NUP210: variants seen among roughly 807,000 people sequenced by gnomAD.
The protein encoded by NUP210 is nucleoporin 210.
NUP210 carries 151 observed loss-of-function variants against 196.0 expected under a neutral mutation model. That is an observed-to-expected ratio of 0.77 (90% CI 0.67 to 0.88). The LOEUF (loss-of-function observed/expected upper bound fraction) is 0.88, where lower values mean the gene tolerates loss of function less well. Ranked by LOEUF, NUP210 falls within the 40% of genes least tolerant of loss-of-function variation. The pLI is 0.00. For synonymous variants in NUP210, 1,070 were observed against 1,052.7 expected (o/e 1.02, Z -0.32); for missense variants, 2,314 against 2,493.7 (o/e 0.93, Z 1.53).
chr3:13,409,717 C>T (rs140420452), intron 1 of NUP210, among the ~76,000 whole-genome samples: 77 of 152,158 alleles, frequency 5.1e-4, no homozygotes, highest in African/African-American at 1.7e-3. Flanking sequence ...CTAGGGTACA[C>T]GGAGTTCAAA....
At chr3:13,341,378 G>A (rs2124861139) in intron 23 of NUP210, among the ~76,000 whole-genome samples, 1 of 152,356 alleles carries the variant, frequency 6.6e-6, no homozygotes, top group Admixed American at 6.5e-5. Flanking sequence ...CAGGACCAAT[G>A]GTTAAGGAGT....
chr3:13,373,302 C>T (rs946024195), intron 12 of NUP210, among the ~76,000 whole-genome samples: 1 of 152,232 alleles, frequency 6.6e-6, no homozygotes, highest in African/African-American at 2.4e-5. Flanking sequence ...GCAGGGAACA[C>T]CTGCCTTTGT....
intron 30 of NUP210, among the ~76,000 whole-genome samples, 191 bp downstream of exon 30, chr3:13,330,269 T>G (rs4684928): frequency 0.047 from 7,198 of 152,310 alleles, 276 homozygotes; most frequent in East Asian, 0.13. Flanking sequence ...TTCCCAAGGA[T>G]CTTCGGCTCT....
chr3:13,391,113 A>G (rs1699475534), intron 4 of NUP210, 98 bp downstream of exon 4: 4 of 799,000 alleles, frequency 5.0e-6, no homozygotes, highest in Admixed American at 4.0e-5. Flanking sequence ...AGACTCCTCA[A>G]TGACCCAGAT....
At chr3:13,364,728 C>T (rs987031126) in intron 14 of NUP210, among the ~76,000 whole-genome samples, 8 of 151,796 alleles carry the variant, frequency 5.3e-5, no homozygotes, top group East Asian at 3.9e-4. Context: ...CTCAGGAGGC[C>T]GAGGCAGGAG....
In NUP210 at chr3:13,341,801, T is replaced by C. The variant is rs764689895; in HGVS notation, c.3175A>G (p.Ser1059Gly). 2 of 1,614,136 alleles carry C rather than the reference T, an allele frequency of 1.2e-6. No homozygotes were observed. Among genetic ancestry groups the C allele is most frequent in the Non-Finnish European group, 8.5e-7 (1 of 1,180,054 alleles). ...CTCTGTCCAGCTTTATTGGTCACAC[T>C]TGCAGTTAGACTGGTCTGGCCGATG... is the stretch of plus-strand genomic sequence containing the variant. The part of the protein sequence containing the change: ...VAIGQTSLTA[S>G]VTNKAGQRIN... Residue 1059 changes from serine (S) to glycine (G), a missense_variant, in exon 23 of 40, where the codon AGT becomes GGT. Transcript: ENST00000254508.
chr3:13,408,787 C>CAA (rs57395477), intron 1 of NUP210, among the ~76,000 whole-genome samples: 7,899 of 76,724 alleles, frequency 0.1, 399 homozygotes, highest in African/African-American at 0.15. Flanking sequence ...GACTCTGTCT[C>CAA]AAAAAAAAAA....
chr3:13,408,212 G>T (rs950356148), intron 1 of NUP210, among the ~76,000 whole-genome samples: 1 of 152,074 alleles, frequency 6.6e-6, no homozygotes, highest in Admixed American at 6.5e-5. Context: ...TGCATTCCTG[G>T]GATATGCCCT....
Position 13,327,285 on chromosome 3 carries a change from G to C in NUP210, c.4439C>G (p.Pro1480Arg), listed in dbSNP as rs1489837819. Residue 1480 changes from proline (P) to arginine (R), a missense_variant, in exon 32 of 40, where the codon CCA (proline) becomes CGA (arginine). Pro to Arg is a moderately radical substitution (Grantham distance 103, BLOSUM62 -2). Coordinates refer to ENST00000254508, the MANE Select transcript of NUP210 (RefSeq NM_024923.4). ...CACCACCATGGCCCCAGACAGCTCTGGGGAGATGGCCTGTAGGACAGGCAG... is the reference window on the plus strand; with the variant it reads ...CACCACCATGGCCCCAGACAGCTCTCGGGAGATGGCCTGTAGGACAGGCAG... Reference protein sequence around the residue: ...MPLPVLQAISPELSGAMVVGD... With the variant: ...MPLPVLQAISRELSGAMVVGD... 1 of 1,613,454 alleles carries C rather than the reference G, an allele frequency of 6.2e-7. No homozygotes were observed. The highest frequency in any genetic ancestry group is 8.5e-7 in the Non-Finnish European group (1 of 1,180,020).
rs1576333063 is a variant in NUP210 at position 13,317,597 on chromosome 3, C to T, written c.*84G>A. 1 of 1,017,434 alleles carries T rather than the reference C, an allele frequency of 9.8e-7. No individual in the cohort carries two copies. The highest frequency in any genetic ancestry group is 1.6e-5 in the African/African-American group (1 of 62,938). The allele number at this position is 1,017,434 out of a possible 1,614,324, so 63.0% of individuals were successfully genotyped here. On this transcript the variant is annotated 3_prime_UTR_variant, in exon 40 of 40. Coordinates refer to ENST00000254508, the MANE Select transcript of NUP210 (RefSeq NM_024923.4). The stretch of plus-strand genomic sequence containing the variant: ...GGGCACTCATCTGGAGGGGCTTGTT[C>T]CAGTGTGAATGCAGCAGGGATGTTC...
intron 20 of NUP210, among the ~76,000 whole-genome samples, chr3:13,345,716 G>C (rs1049960166): frequency 2.0e-5 from 3 of 152,208 alleles, no homozygotes; most frequent in Non-Finnish European, 4.4e-5. Flanking sequence ...TTTGTGACTG[G>C]AGCCATTGCC....
intron 30 of NUP210, among the ~76,000 whole-genome samples, chr3:13,329,463 C>G (rs13061844): frequency 0.62 from 94,740 of 152,078 alleles, 31,098 homozygotes; most frequent in African/African-American, 0.85. Context: ...AATCTATCCT[C>G]GCTCAAAAGC....
At chr3:13,333,214 C>CA (rs1559311427) in intron 28 of NUP210, among the ~76,000 whole-genome samples, 1 of 152,240 alleles carries the variant, frequency 6.6e-6, no homozygotes, top group African/African-American at 2.4e-5. Flanking sequence ...ATGGCAACAG[C>CA]ACTTACCTGG....
chr3:13,355,454 G>T (rs778960184), intron 16 of NUP210, among the ~76,000 whole-genome samples: 4 of 152,204 alleles, frequency 2.6e-5, no homozygotes, highest in Non-Finnish European at 1.5e-5. Flanking sequence ...ACACAAAGCA[G>T]GTCTCCCAGC....
In NUP210 at chr3:13,328,925, T is replaced by C. The variant is rs1347089075; in HGVS notation, c.4132A>G (p.Arg1378Gly). The change falls in exon 31 of 40, where the codon AGG (arginine) becomes GGG (glycine). Residue 1378 changes from arginine to glycine, a missense_variant. Physicochemically the swap from Arg to Gly is moderately radical, Grantham distance 125. Coordinates refer to ENST00000254508, the MANE Select transcript of NUP210 (RefSeq NM_024923.4). ...AVKVSPVSYL[R>G]VSMSPVLHTQ... is the part of the protein sequence containing the mutation. ...TGCAGGACAGGGCTCATGGAAACCCTCAGGTAGGAAACAGGGGATACCTAA... is the reference window on the plus strand; with the variant it reads ...TGCAGGACAGGGCTCATGGAAACCCCCAGGTAGGAAACAGGGGATACCTAA... 6.2e-7 allele frequency: 1 copy of C among 1,613,834 alleles called. No homozygotes were observed. Among genetic ancestry groups the C allele is most frequent in the African/African-American group, 1.3e-5 (1 of 74,896 alleles).
At chr3:13,396,372 G>C (rs1193723325) in intron 3 of NUP210, among the ~76,000 whole-genome samples, 1 of 152,090 alleles carries the variant, frequency 6.6e-6, no homozygotes, top group African/African-American at 2.4e-5. Context: ...GCCTTGGTTT[G>C]GACTTGGTTT....
At chr3:13,337,799 T>C (rs770983727) in intron 26 of NUP210, 38 bp downstream of exon 26, 22 of 1,571,842 alleles carry the variant, frequency 1.4e-5, no homozygotes, top group Non-Finnish European at 1.8e-5. Flanking sequence ...CAGTGGCTCT[T>C]CGGGAACCAG....
At chr3:13,391,800 C>T (rs1699501185) in intron 3 of NUP210, among the ~76,000 whole-genome samples, 1 of 151,698 alleles carries the variant, frequency 6.6e-6, no homozygotes, top group South Asian at 2.1e-4. Context: ...GTCTCTTCAC[C>T]TTGACTGTGA....
chr3:13,379,503 T>A lies in NUP210; in HGVS notation c.976+60A>T. On this transcript the variant is annotated intron_variant, in intron 7 of 39. Transcript: ENST00000254508. The surrounding 1 kb of genome is among the most constrained non-coding windows in gnomAD (Gnocchi z 4.2). Reference sequence around the variant, plus strand: ...GCCGAGCTTTCAGGGAAAAAAAGACTTGACTTCCAAACAGCAGCTCCGCCA... The same window carrying A: ...GCCGAGCTTTCAGGGAAAAAAAGACATGACTTCCAAACAGCAGCTCCGCCA... The A allele has an allele frequency of 6.2e-7, 1 of 1,604,116 alleles. No homozygotes were observed. The highest frequency in any genetic ancestry group is 8.5e-7 in the Non-Finnish European group (1 of 1,174,710).
Sources: gnomAD v4.1 joint callset for allele counts (sites outside exome capture counted in the v4.1 genomes callset) on GRCh38, gnomAD v4.1.1 for gene constraint, Gnocchi (gnomAD v3.1) non-coding constraint, MANE v1.5 for transcripts, NCBI Gene and HGNC (gene_info 2026-07-23, HGNC 2026-07-21) for gene names.